The following IL1RAPL1 variants were observed in gnomAD, a reference collection of about 807,000 sequenced individuals.
IL1RAPL1 encodes interleukin 1 receptor accessory protein like 1, also known as interleukin-1 receptor accessory protein-like 1.
A neutral mutation model predicts 48.4 loss-of-function variants in IL1RAPL1; 3 were observed. That is an observed-to-expected ratio of 0.06 (90% CI 0.03 to 0.16). The LOEUF (loss-of-function observed/expected upper bound fraction) is 0.16. IL1RAPL1 is among the 10% of genes least tolerant of loss of function. IL1RAPL1 has a pLI of 1.00. For missense variants in IL1RAPL1, 349 were observed against 530.6 expected, an observed-to-expected ratio of 0.66 and a Z score of 3.36; for synonymous variants, 185 against 187.7, an observed-to-expected ratio of 0.99 and a Z score of 0.12.
chrX:29,086,705 G>A (rs1927960065), intron 2 of IL1RAPL1, among the ~76,000 whole-genome samples: 1 of 111,998 alleles, frequency 8.9e-6, no homozygotes, highest in Non-Finnish European at 1.9e-5. Flanking sequence ...TAAATGTCCT[G>A]GCTAGAAGTG....
intron 7 of IL1RAPL1, among the ~76,000 whole-genome samples, chrX:29,918,144 A>ATATATATAT (rs1555935867): frequency 1.7e-4 from 4 of 23,751 alleles, no homozygotes; most frequent in African/African-American, 7.2e-4. Flanking sequence ...AAAAAAAAAA[A>ATATATATAT]ATATATATAT....
intron 1 of IL1RAPL1, among the ~76,000 whole-genome samples, 159 bp downstream of exon 1, chrX:28,588,206 ATGTGTGTGTGTGTGTGTGTG>A (rs768348078): frequency 4.7e-3 from 235 of 49,956 alleles, no homozygotes; most frequent in African/African-American, 0.019. Flanking sequence ...GTGTGTTGAT[ATGTGTGTGTGTGTGTGTGTG>A]TGTGTGTGTG....
At chrX:29,198,366 G>A (rs1240829670) in intron 2 of IL1RAPL1, among the ~76,000 whole-genome samples, 3 of 108,752 alleles carry the variant, frequency 2.8e-5, no homozygotes, top group African/African-American at 1.0e-4. Flanking sequence ...GCATGATCTC[G>A]GCTCACTGCA....
chrX:28,734,564 T>A (rs56266864), intron 1 of IL1RAPL1, among the ~76,000 whole-genome samples: 1 of 95,977 alleles, frequency 1.0e-5, no homozygotes, highest in African/African-American at 4.0e-5. Context: ...TTTTTTTTTT[T>A]AATGTGGCTC....
At chrX:29,302,262 G>A (rs1932547605) in intron 3 of IL1RAPL1, among the ~76,000 whole-genome samples, 1 of 111,936 alleles carries the variant, frequency 8.9e-6, no homozygotes, top group Non-Finnish European at 1.9e-5. Flanking sequence ...CTGTTCTTAG[G>A]AATCTTATAG....
intron 9 of IL1RAPL1, among the ~76,000 whole-genome samples, chrX:29,943,772 A>C (rs184685428): frequency 8.9e-6 from 1 of 112,350 alleles, no homozygotes; most frequent in Non-Finnish European, 1.9e-5. Context: ...CTGGAATATA[A>C]TGAAAATGAA....
chrX:29,502,238 CTAAGTA>C (rs1406388639), intron 5 of IL1RAPL1, among the ~76,000 whole-genome samples: 1 of 111,017 alleles, frequency 9.0e-6, no homozygotes, highest in African/African-American at 3.3e-5. Context: ...CTAGTTTTTT[CTAAGTA>C]TAAGATCATA....
chrX:29,306,541 A>C (rs1180243809), intron 3 of IL1RAPL1, among the ~76,000 whole-genome samples: 1 of 101,862 alleles, frequency 9.8e-6, no homozygotes, highest in Non-Finnish European at 2.0e-5. Context: ...AAAAAAAAAA[A>C]AAAAAAAAAA....
intron 2 of IL1RAPL1, among the ~76,000 whole-genome samples, chrX:28,997,055 C>T (rs776868394): frequency 4.5e-5 from 5 of 110,928 alleles, no homozygotes; most frequent in South Asian, 3.8e-4. Context: ...TTACCCAGTG[C>T]GCAGATAGGA....
intron 3 of IL1RAPL1, among the ~76,000 whole-genome samples, chrX:29,330,003 A>T (rs1932872001): frequency 9.0e-6 from 1 of 110,607 alleles, no homozygotes; most frequent in East Asian, 2.8e-4. Context: ...GTGGTGGTGG[A>T]GGGTGATGCA....
chrX:28,780,042 CAATT>C lies in IL1RAPL1; in HGVS notation c.-24-9274_-24-9271del, dbSNP rs774180635. ...ATAATCAATTGCATTCTACCAGACA[CAATT>C]AATAAGCATTTCCATGGATAAGAAT... On this transcript the variant is annotated intron_variant, in intron 1 of 10. Transcript: ENST00000378993. Among the ~76,000 whole-genome samples the C allele has an allele frequency of 1.2e-3, 130 of 110,327 alleles. 1 individual carries two copies. The highest frequency in any genetic ancestry group is 4.1e-3 in the African/African-American group (126 of 30,535).
chrX:29,566,010 G>A (rs1379608062), intron 5 of IL1RAPL1, among the ~76,000 whole-genome samples: 5 of 109,149 alleles, frequency 4.6e-5, no homozygotes, highest in African/African-American at 1.7e-4. Flanking sequence ...GTGCAGCGTC[G>A]CGATTTCGGC....
intron 2 of IL1RAPL1, among the ~76,000 whole-genome samples, chrX:29,040,397 G>A: frequency 8.9e-6 from 1 of 111,901 alleles, no homozygotes; most frequent in Non-Finnish European, 1.9e-5. Context: ...GATCATCTGG[G>A]GATAGAGTGT....
chrX:29,624,832 G>A (rs1400072107), intron 5 of IL1RAPL1, among the ~76,000 whole-genome samples: 1 of 111,388 alleles, frequency 9.0e-6, no homozygotes, highest in Non-Finnish European at 1.9e-5. Context: ...GGGCAGCAGA[G>A]TAAGACCCTG....
intron 1 of IL1RAPL1, among the ~76,000 whole-genome samples, chrX:28,638,626 T>C (rs1015269196): frequency 9.2e-6 from 1 of 109,245 alleles, no homozygotes; most frequent in Non-Finnish European, 1.9e-5. Context: ...ACCTACTAGA[T>C]AGTCAATAAG....
chrX:29,001,871 T>C (rs1925861227), intron 2 of IL1RAPL1, among the ~76,000 whole-genome samples: 1 of 109,461 alleles, frequency 9.1e-6, no homozygotes, highest in South Asian at 3.9e-4. Context: ...GGATAAGAAA[T>C]TGTGGTAAAT....
At chrX:28,632,886 C>CTTTT (rs140847456) in intron 1 of IL1RAPL1, among the ~76,000 whole-genome samples, 2 of 40,662 alleles carry the variant, frequency 4.9e-5, no homozygotes, top group Non-Finnish European at 8.7e-5. Flanking sequence ...TCACTGTATG[C>CTTTT]TTTTTTTTTT....
At chrX:29,588,964 A>G (rs1378853028) in intron 5 of IL1RAPL1, among the ~76,000 whole-genome samples, 6 of 111,929 alleles carry the variant, frequency 5.4e-5, no homozygotes, top group Non-Finnish European at 1.1e-4. Context: ...CACTGAGGAT[A>G]CCTAGCAGAG....
chrX:29,521,322 G>A (rs761073090), intron 5 of IL1RAPL1, among the ~76,000 whole-genome samples: 1 of 111,794 alleles, frequency 8.9e-6, no homozygotes, highest in South Asian at 3.7e-4. Flanking sequence ...TAGAGTCATT[G>A]GAGCCAAATT....
Sources: allele counts gnomAD v4.1 joint callset (sites outside exome capture counted in the v4.1 genomes callset), GRCh38; gene constraint gnomAD v4.1.1; transcripts MANE v1.5; gene names NCBI Gene and HGNC (gene_info 2026-07-23, HGNC 2026-07-21).